The following ZSCAN18 variants were observed in gnomAD, a reference collection of about 807,000 sequenced individuals.
ZSCAN18 encodes zinc finger and SCAN domain containing 18.
Under a neutral mutation model 31.1 loss-of-function variants are expected in ZSCAN18, and 16 were observed. The ratio of observed to expected loss-of-function variants is 0.51; its 90% CI spans 0.35 to 0.78. ZSCAN18 has a LOEUF of 0.78. Ranked by LOEUF, ZSCAN18 falls within the 30% of genes least tolerant of loss-of-function variation. ZSCAN18 has a pLI of 0.01. For missense variants in ZSCAN18, 731 were observed against 697.4 expected (o/e 1.05, Z -0.54); for synonymous variants, 375 against 320.7 (o/e 1.17, Z -1.81).
In ZSCAN18 at chr19:58,098,196, C is replaced by G; in HGVS notation, c.-142G>C. Reference sequence around the variant, plus strand: ...CACCTGCTGCGCAGCTACCCCAGGCCGGTCCCAGCCGCCCGGAGCCCCAGT... The same window carrying G: ...CACCTGCTGCGCAGCTACCCCAGGCGGGTCCCAGCCGCCCGGAGCCCCAGT... On this transcript the variant is annotated 5_prime_UTR_variant, in exon 1 of 7. Coordinates refer to ENST00000601144, the MANE Select transcript of ZSCAN18 (RefSeq NM_001145543.2). 2.0e-6 allele frequency: 2 copies of G among 985,518 alleles called. No homozygotes were observed. The highest frequency in any genetic ancestry group is 2.4e-6 in the Non-Finnish European group (2 of 830,008). The allele number at this position is 985,518 out of a possible 1,614,324, so 61.0% of individuals were successfully genotyped here.
intron 1 of ZSCAN18, chr19:58,108,983 C>T: frequency 2.5e-6 from 3 of 1,176,652 alleles, no homozygotes; most frequent in Non-Finnish European, 3.1e-6. Context: ...AAATGTTTAA[C>T]CTTTGAGTCA....
Position 58,090,513 on chromosome 19 carries a change from T to C in ZSCAN18, c.-119-127A>G. Reference sequence around the variant, plus strand: ...TTCCAAGAAACCCGCTTGTTAGGCATCAGTAGAACCTCAGTGTTGTACTCA... The same window carrying C: ...TTCCAAGAAACCCGCTTGTTAGGCACCAGTAGAACCTCAGTGTTGTACTCA... On this transcript the variant is annotated intron_variant, in intron 1 of 6. Transcript: ENST00000601144. The surrounding 1 kb of genome is among the most constrained non-coding windows in gnomAD (Gnocchi z 4.7). The C allele has an allele frequency of 2.5e-6, 2 of 806,066 alleles. No homozygotes were observed. The highest frequency in any genetic ancestry group is 3.9e-5 in the South Asian group (2 of 50,706). The allele number at this position is 806,066 out of a possible 1,614,324, so 49.9% of individuals were successfully genotyped here. A position where few individuals can be genotyped will look rare whatever the true frequency, so the allele number is the denominator to read the frequency against.
intron 1 of ZSCAN18, among the ~76,000 whole-genome samples, chr19:58,094,714 C>T (rs1555801638): frequency 6.6e-6 from 1 of 151,442 alleles, no homozygotes; most frequent in Non-Finnish European, 1.5e-5. Context: ...TTCATCTCTA[C>T]AAAAAATAGA....
chr19:58,094,546 T>C (rs1381714013), intron 1 of ZSCAN18, among the ~76,000 whole-genome samples: 1 of 152,166 alleles, frequency 6.6e-6, no homozygotes, highest in African/African-American at 2.4e-5. Flanking sequence ...GCCCTGTGCG[T>C]ACCCACAGGT....
At chr19:58,116,763 G>GT (rs1568647631) in intron 1 of ZSCAN18, among the ~76,000 whole-genome samples, 2 of 152,246 alleles carry the variant, frequency 1.3e-5, no homozygotes, top group Admixed American at 6.5e-5. Flanking sequence ...TAAGGAGAGT[G>GT]TTTAGAGGAC....
Position 58,084,966 on chromosome 19 carries a change from ACTCGCCGC to A in ZSCAN18, c.1244_1251del (p.Cys415LeufsTer72). The A allele has an allele frequency of 6.3e-7, 1 of 1,598,534 alleles. No homozygotes were observed. Among genetic ancestry groups the A allele is most frequent in the Non-Finnish European group, 8.5e-7 (1 of 1,174,632 alleles). On this transcript the variant is annotated frameshift_variant, in exon 7 of 7. Coordinates refer to ENST00000601144, the MANE Select transcript of ZSCAN18 (RefSeq NM_001145543.2). LOFTEE classifies it low-confidence loss of function (END_TRUNC). The surrounding 1 kb of genome is among the most constrained non-coding windows in gnomAD (Gnocchi z 4.5). ...GAGAGCCACGCGAAGGCCTCCCCGC[ACTCGCCGC>A]AGGCATAGGGCTTCCCGCGGGACAA...
intron 1 of ZSCAN18, among the ~76,000 whole-genome samples, chr19:58,117,971 C>A (rs1378146989): frequency 1.3e-5 from 2 of 152,118 alleles, no homozygotes. Context: ...GAGTAGGGGT[C>A]CGCGCCCCAC....
chr19:58,111,405 G>A (rs1207534828), intron 1 of ZSCAN18, among the ~76,000 whole-genome samples: 1 of 152,084 alleles, frequency 6.6e-6, no homozygotes, highest in Non-Finnish European at 1.5e-5. Flanking sequence ...GGAATGCGGT[G>A]GTGTGATCAC....
upstream of ZSCAN18, among the ~76,000 whole-genome samples, chr19:58,099,332 G>A (rs184519936): frequency 2.8e-4 from 43 of 152,160 alleles, no homozygotes; most frequent in Non-Finnish European, 2.8e-4. Flanking sequence ...CCTTCACAGT[G>A]TCATATAAGT....
chr19:58,091,376 AATT>A (rs2074406959), intron 1 of ZSCAN18, among the ~76,000 whole-genome samples: 1 of 152,116 alleles, frequency 6.6e-6, no homozygotes, highest in Admixed American at 6.5e-5. Context: ...TCTGAAATAA[AATT>A]ATTTAGAAAA....
At chr19:58,107,737 C>G in intron 1 of ZSCAN18, 1 of 990,214 alleles carries the variant, frequency 1.0e-6, no homozygotes, top group Non-Finnish European at 1.2e-6. Context: ...GTCACTGCCA[C>G]AGATGCTCAC....
Position 58,084,560 on chromosome 19 carries a change from C to A in ZSCAN18, c.*125G>T, listed in dbSNP as rs2074219651. 4.1e-6 allele frequency: 4 copies of A among 979,694 alleles called. No individual in the cohort carries two copies. The highest frequency in any genetic ancestry group is 6.9e-5 in the Admixed American group (2 of 28,794). The allele number at this position is 979,694 out of a possible 1,614,324, so 60.7% of individuals were successfully genotyped here. A position where few individuals can be genotyped will look rare whatever the true frequency, so the allele number is the denominator to read the frequency against. Reference sequence around the variant, plus strand: ...CTTAGCCTCAGGAGCGGATTCAGGGCACAGGCAGAGGACGTCCACAAACAC... The same window carrying A: ...CTTAGCCTCAGGAGCGGATTCAGGGAACAGGCAGAGGACGTCCACAAACAC... On this transcript the variant is annotated 3_prime_UTR_variant, in exon 7 of 7. Transcript: ENST00000601144. This position sits in a 1 kb window ranked among gnomAD's most constrained non-coding sequence, Gnocchi z 4.5.
chr19:58,092,654 T>G, intron 1 of ZSCAN18: 5 of 981,022 alleles, frequency 5.1e-6, no homozygotes, highest in Non-Finnish European at 6.1e-6. Flanking sequence ...TACCAGAGTT[T>G]AAAGGGAAGT....
chr19:58,112,223 G>T (rs2146027854), intron 1 of ZSCAN18, among the ~76,000 whole-genome samples: 1 of 152,168 alleles, frequency 6.6e-6, no homozygotes, highest in East Asian at 1.9e-4. Flanking sequence ...TTGCAGAGAT[G>T]GGGTTTTTGC....
At chr19:58,096,243 C>A (rs932180424) in intron 1 of ZSCAN18, among the ~76,000 whole-genome samples, 1 of 152,128 alleles carries the variant, frequency 6.6e-6, no homozygotes, top group African/African-American at 2.4e-5. Flanking sequence ...AATAGAGATA[C>A]CACTGGGACC....
chr19:58,098,660 G>A (rs2074566265), upstream of ZSCAN18, among the ~76,000 whole-genome samples: 1 of 152,138 alleles, frequency 6.6e-6, no homozygotes. Flanking sequence ...AAAGGAGGGA[G>A]ACCAGCCCAG....
chr19:58,103,073 G>C (rs1347885923), upstream of ZSCAN18, among the ~76,000 whole-genome samples: 2 of 151,556 alleles, frequency 1.3e-5, no homozygotes, highest in African/African-American at 4.9e-5. Flanking sequence ...AGTGAGCCAA[G>C]ATAGCACCAC....
Position 58,089,908 on chromosome 19 carries a change from T to C in ZSCAN18, c.360A>G (p.Ala120=). The change falls in exon 2 of 7, where the codon GCA becomes GCG. Residue 120 remains alanine (A), a synonymous_variant. Transcript: ENST00000601144. The part of the protein sequence containing the change: ...VAQYPESCKK[A]ASLVEGLADV... ...CAGCGAGGCCCTCCACCAGGGAGGCTGCCTTCTTGCAGCTCTCAGGGTACT... is the reference window on the plus strand; with the variant it reads ...CAGCGAGGCCCTCCACCAGGGAGGCCGCCTTCTTGCAGCTCTCAGGGTACT... The C allele has an allele frequency of 6.2e-7, 1 of 1,613,462 alleles. No individual in the cohort carries two copies.
chr19:58,112,950 C>CAAAAA (rs55721042), intron 1 of ZSCAN18, among the ~76,000 whole-genome samples: 1,293 of 69,424 alleles, frequency 0.019, 165 homozygotes, highest in African/African-American at 0.065. Context: ...GGCTCCGTTT[C>CAAAAA]AAAAAAAAAA....
Sources: gnomAD v4.1 joint callset for allele counts (sites outside exome capture counted in the v4.1 genomes callset) on GRCh38, gnomAD v4.1.1 for gene constraint, Gnocchi (gnomAD v3.1) non-coding constraint, MANE v1.5 for transcripts, NCBI Gene and HGNC (gene_info 2026-07-23, HGNC 2026-07-21) for gene names.